The following XIRP2 variants were observed in gnomAD, a reference collection of about 807,000 sequenced individuals.
The protein encoded by XIRP2 is xin actin binding repeat containing 2.
Under a neutral mutation model 277.0 loss-of-function variants are expected in XIRP2, and 236 were observed. The observed-to-expected ratio is 0.85, with a 90% CI of 0.77 to 0.95. XIRP2 has a LOEUF of 0.95. Ranked by LOEUF, XIRP2 falls within the 40% of genes least tolerant of loss-of-function variation. XIRP2 has a pLI of 0.00. For missense variants in XIRP2, 4,640 were observed against 4,157.5 expected (o/e 1.12, Z -3.19); for synonymous variants, 1,490 against 1,416.5 (o/e 1.05, Z -1.17).
At chr2:167,180,969 T>A (rs1458049864) in intron 3 of XIRP2, among the ~76,000 whole-genome samples, 2 of 152,258 alleles carry the variant, frequency 1.3e-5, no homozygotes, top group African/African-American at 4.8e-5. Flanking sequence ...ATGACTTCTA[T>A]CCTATACCTT....
chr2:167,245,292 T>C lies in XIRP2; in HGVS notation c.3900T>C (p.Ile1300=). Residue 1300 remains isoleucine, a synonymous_variant, in exon 9 of 11, where the codon ATT becomes ATC. Transcript: ENST00000409195. ...ACTATATCAGCACCAAGAAAACAAT[T>C]ACTGAAGAAGTAATACAGGGTGATG... ...ESDYISTKKT[I]TEEVIQGDVK... 1 of 1,613,464 alleles carries C rather than the reference T, an allele frequency of 6.2e-7. No homozygotes were observed. The highest frequency in any genetic ancestry group is 2.2e-5 in the East Asian group (1 of 44,822).
At chr2:166,970,933 G>A (rs993546024) in intron 2 of XIRP2, among the ~76,000 whole-genome samples, 4 of 151,834 alleles carry the variant, frequency 2.6e-5, no homozygotes, top group Admixed American at 1.3e-4. Context: ...CAATACATAT[G>A]AGAACTCAAT....
chr2:167,231,970 A>G (rs1217248783), intron 5 of XIRP2, among the ~76,000 whole-genome samples: 6 of 151,934 alleles, frequency 3.9e-5, no homozygotes, highest in African/African-American at 1.4e-4. Flanking sequence ...CTGGATACAA[A>G]TCCTCCTAGT....
At chr2:167,130,186 C>T (rs1691333281) in intron 2 of XIRP2, among the ~76,000 whole-genome samples, 1 of 151,984 alleles carries the variant, frequency 6.6e-6, no homozygotes, top group South Asian at 2.1e-4. Flanking sequence ...TCTCCATGTA[C>T]CTGGAGACCA....
At chr2:167,024,280 T>C (rs1376742507) in intron 2 of XIRP2, among the ~76,000 whole-genome samples, 1 of 152,162 alleles carries the variant, frequency 6.6e-6, no homozygotes, top group Non-Finnish European at 1.5e-5. Context: ...ATAAGAATGC[T>C]TGTGATTTTT....
intron 4 of XIRP2, among the ~76,000 whole-genome samples, chr2:167,217,296 GA>G (rs959273664): frequency 9.1e-4 from 128 of 141,340 alleles, no homozygotes; most frequent in African/African-American, 3.2e-3. Context: ...AAAAAAAAAA[GA>G]AAAAAAAATT....
intron 3 of XIRP2, among the ~76,000 whole-genome samples, chr2:167,172,837 G>A (rs369590510): frequency 1.1e-4 from 17 of 152,142 alleles, no homozygotes; most frequent in African/African-American, 3.6e-4. Context: ...CTCAGCTTAC[G>A]AAGATGATGG....
intron 2 of XIRP2, among the ~76,000 whole-genome samples, chr2:167,068,179 T>C (rs1689347135): frequency 6.6e-6 from 1 of 152,218 alleles, no homozygotes; most frequent in Non-Finnish European, 1.5e-5. Flanking sequence ...ATGTATTAAA[T>C]TACCTGAAAA....
At chr2:166,971,564 A>T (rs1686578744) in intron 2 of XIRP2, among the ~76,000 whole-genome samples, 1 of 152,052 alleles carries the variant, frequency 6.6e-6, no homozygotes, top group African/African-American at 2.4e-5. Context: ...AATGAAAAAA[A>T]AATTATTTGC....
rs1342941161 is a variant in XIRP2 at position 167,243,105 on chromosome 2, G to T, written c.1713G>T (p.Lys571Asn). The change falls in exon 9 of 11, where the codon AAG (lysine) becomes AAT (asparagine). Residue 571 changes from lysine (K) to asparagine (N), a missense_variant. Coordinates refer to ENST00000409195, the MANE Select transcript of XIRP2 (RefSeq NM_152381.6). ...REYLEWDEIL[K>N]GEVQSIRWIF... ...ACTTGGAATGGGATGAAATTCTGAA[G>T]GGAGAGGTGCAGTCCATTAGATGGA... 2.5e-6 allele frequency: 4 copies of T among 1,613,984 alleles called. No homozygotes were observed. Among genetic ancestry groups the T allele is most frequent in the Non-Finnish European group, 3.4e-6 (4 of 1,179,998 alleles).
At position 166,998,417 on chromosome 2, in the gene XIRP2, C is replaced by T. The variant is rs529218869; in HGVS notation, c.408+94527C>T. 2.0e-4 allele frequency among the ~76,000 whole-genome samples: 31 copies of T among 152,140 alleles called. No homozygotes were observed. In the East Asian group the frequency reaches 2.3e-3, roughly 11 times the overall value. On this transcript the variant is annotated intron_variant, in intron 2 of 10. Coordinates refer to ENST00000409195, the MANE Select transcript of XIRP2 (RefSeq NM_152381.6). ...CTTTGGGAGGCCGAGTCAGGTGGAT[C>T]GCAAGGTCAGGAGATCGAGACCATC...
chr2:166,923,164 G>A (rs1335751909), intron 2 of XIRP2, among the ~76,000 whole-genome samples: 3 of 152,040 alleles, frequency 2.0e-5, no homozygotes, highest in Admixed American at 2.0e-4. Context: ...TACAGATGCT[G>A]TATAAGCAAA....
intron 2 of XIRP2, among the ~76,000 whole-genome samples, chr2:166,938,813 C>T (rs945754118): frequency 3.3e-5 from 5 of 151,780 alleles, no homozygotes; most frequent in African/African-American, 9.7e-5. Context: ...GGATAGTTAG[C>T]TCTTGTTGAA....
intron 2 of XIRP2, among the ~76,000 whole-genome samples, chr2:166,971,225 T>C (rs1686567407): frequency 6.6e-6 from 1 of 152,064 alleles, no homozygotes; most frequent in Non-Finnish European, 1.5e-5. Context: ...CTAGAACATA[T>C]GCTACATCAG....
intron 2 of XIRP2, among the ~76,000 whole-genome samples, chr2:167,037,222 A>G (rs1688532954): frequency 6.6e-6 from 1 of 152,220 alleles, no homozygotes; most frequent in Non-Finnish European, 1.5e-5. Flanking sequence ...AGATATTTAC[A>G]GAAAATTTCA....
At chr2:166,925,654 C>G (rs1020321296) in intron 2 of XIRP2, among the ~76,000 whole-genome samples, 5 of 147,336 alleles carry the variant, frequency 3.4e-5, no homozygotes, top group Non-Finnish European at 7.5e-5. Context: ...TAAAATTTCT[C>G]TCCTCCAACT....
chr2:167,240,380 A>G (rs1337137911), intron 6 of XIRP2, among the ~76,000 whole-genome samples: 1 of 152,054 alleles, frequency 6.6e-6, no homozygotes, highest in East Asian at 1.9e-4. Flanking sequence ...GCGCCATTGC[A>G]CTCCAGCCCG....
chr2:167,092,140 C>A (rs1025075007), intron 2 of XIRP2, among the ~76,000 whole-genome samples: 2 of 152,078 alleles, frequency 1.3e-5, no homozygotes, highest in Non-Finnish European at 2.9e-5. Context: ...AACCAAGTTA[C>A]CTAGTCTGGA....
chr2:167,023,747 T>C (rs567464884), intron 2 of XIRP2, among the ~76,000 whole-genome samples: 34 of 152,326 alleles, frequency 2.2e-4, no homozygotes, highest in Admixed American at 1.8e-3. Context: ...CTCGGGTTTG[T>C]CAAAGATCAG....
Sources: allele counts gnomAD v4.1 joint callset (sites outside exome capture counted in the v4.1 genomes callset), GRCh38; gene constraint gnomAD v4.1.1; transcripts MANE v1.5; gene names NCBI Gene and HGNC (gene_info 2026-07-23, HGNC 2026-07-21).